The following NEGR1 variants were observed in gnomAD, a reference collection of about 807,000 sequenced individuals.
NEGR1 encodes the protein IgLON family member 4.
Under a neutral mutation model 40.9 loss-of-function variants are expected in NEGR1, and 10 were observed. The observed-to-expected ratio is 0.24, with a 90% CI of 0.15 to 0.42. The LOEUF (loss-of-function observed/expected upper bound fraction) is 0.42, where lower values mean the gene tolerates loss of function less well. Among genes scored for constraint, NEGR1 ranks in the 10% least tolerant of loss-of-function variants. The pLI is 1.00. For synonymous variants in NEGR1, 185 were observed against 166.8 expected, an observed-to-expected ratio of 1.11 and a Z score of -0.84; for missense variants, 352 against 438.9, an observed-to-expected ratio of 0.80 and a Z score of 1.77.
chr1:71,864,061 T>C (rs1324419408), intron 2 of NEGR1, among the ~76,000 whole-genome samples: 1 of 152,012 alleles, frequency 6.6e-6, no homozygotes. Context: ...GACTAGAAAA[T>C]TTGTTTAGGT....
chr1:72,207,869 C>G (rs1653466739), intron 1 of NEGR1, among the ~76,000 whole-genome samples: 1 of 151,688 alleles, frequency 6.6e-6, no homozygotes, highest in African/African-American at 2.4e-5. Context: ...GACAAATGTT[C>G]TAACAATTTA....
chr1:71,829,747 A>G (rs1211224071), intron 2 of NEGR1, among the ~76,000 whole-genome samples: 10 of 152,014 alleles, frequency 6.6e-5, no homozygotes, highest in Admixed American at 6.6e-4. Flanking sequence ...TCCCTTTAAC[A>G]AGCTCTTTCA....
At chr1:71,593,052 A>G (rs1348854881) in intron 5 of NEGR1, 84 bp from the exon 6 acceptor site, 3 of 874,250 alleles carry the variant, frequency 3.4e-6, no homozygotes, top group Non-Finnish European at 5.5e-6. Context: ...TGTCATGGCA[A>G]CCCATAGACA....
At chr1:72,156,017 T>TC (rs1651343085) in intron 1 of NEGR1, among the ~76,000 whole-genome samples, 1 of 152,122 alleles carries the variant, frequency 6.6e-6, no homozygotes, top group Non-Finnish European at 1.5e-5. Flanking sequence ...TTTTGATACT[T>TC]CAACAGTTTC....
At chr1:71,778,104 A>G (rs1656573550) in intron 2 of NEGR1, among the ~76,000 whole-genome samples, 1 of 152,044 alleles carries the variant, frequency 6.6e-6, no homozygotes, top group Admixed American at 6.6e-5. Context: ...AACTAAAAGT[A>G]TATTTTAGAT....
intron 2 of NEGR1, among the ~76,000 whole-genome samples, chr1:71,791,586 CATA>C (rs1226088598): frequency 1.3e-5 from 2 of 151,960 alleles, no homozygotes; most frequent in Admixed American, 6.6e-5. Context: ...TGTAATATTT[CATA>C]ATAATAGAAT....
At chr1:71,432,842 T>A (rs944523482) in intron 6 of NEGR1, among the ~76,000 whole-genome samples, 1 of 152,218 alleles carries the variant, frequency 6.6e-6, no homozygotes, top group Non-Finnish European at 1.5e-5. Context: ...TATAAGCTCC[T>A]GGATGGTGTT....
Position 71,557,140 on chromosome 1 carries a change from T to G in NEGR1, c.940+35677A>C, listed in dbSNP as rs1417883668. ...TAGTCTGTAGTTAAAGATTTAGTCC[T>G]TTATGGTAGAGATAGTTCATCTTGC... On this transcript the variant is annotated intron_variant, in intron 6 of 6. Coordinates refer to ENST00000357731, the MANE Select transcript of NEGR1 (RefSeq NM_173808.3). Among the ~76,000 whole-genome samples the G allele has an allele frequency of 4.6e-5, 7 of 151,782 alleles. No homozygotes were observed. In the East Asian group the frequency reaches 1.4e-3, roughly 30 times the overall value.
At chr1:71,813,895 C>T (rs1028555130) in intron 2 of NEGR1, among the ~76,000 whole-genome samples, 2 of 152,062 alleles carry the variant, frequency 1.3e-5, no homozygotes, top group Non-Finnish European at 1.5e-5. Context: ...CATTTGACTT[C>T]CTCCCTTCCT....
intron 1 of NEGR1, among the ~76,000 whole-genome samples, chr1:71,947,998 A>C (rs1406781581): frequency 6.6e-6 from 1 of 152,172 alleles, no homozygotes; most frequent in Admixed American, 6.6e-5. Context: ...AGACAACTGA[A>C]TATATGTGAG....
intron 1 of NEGR1, among the ~76,000 whole-genome samples, chr1:72,104,561 A>T (rs2100252858): frequency 6.6e-6 from 1 of 152,190 alleles, no homozygotes; most frequent in East Asian, 1.9e-4. Context: ...TGAACCTCTG[A>T]TCTCCATAAC....
At chr1:71,688,509 A>G (rs931322657) in intron 4 of NEGR1, among the ~76,000 whole-genome samples, 2 of 114,902 alleles carry the variant, frequency 1.7e-5, no homozygotes, top group African/African-American at 6.9e-5. Context: ...CCCGAGCTGG[A>G]GTGCAATGGC....
chr1:72,118,419 C>A (rs1649663406), intron 1 of NEGR1, among the ~76,000 whole-genome samples: 1 of 151,752 alleles, frequency 6.6e-6, no homozygotes, highest in South Asian at 2.1e-4. Flanking sequence ...GACTGAGAAA[C>A]TGAGTTAAAT....
At chr1:71,465,205 G>A (rs1646737430) in intron 6 of NEGR1, among the ~76,000 whole-genome samples, 1 of 152,092 alleles carries the variant, frequency 6.6e-6, no homozygotes, top group Non-Finnish European at 1.5e-5. Flanking sequence ...GAACAACAGA[G>A]ATAAAAACAG....
At chr1:71,849,253 T>C (rs972221397) in intron 2 of NEGR1, among the ~76,000 whole-genome samples, 1 of 152,120 alleles carries the variant, frequency 6.6e-6, no homozygotes, top group African/African-American at 2.4e-5. Context: ...GGTCAAAACA[T>C]CAACATTAAC....
chr1:71,813,538 CATG>C (rs1557662290), intron 2 of NEGR1, among the ~76,000 whole-genome samples: 1 of 152,112 alleles, frequency 6.6e-6, no homozygotes, highest in Non-Finnish European at 1.5e-5. Flanking sequence ...TGGCCATTTT[CATG>C]ATATTGATTC....
At chr1:71,536,093 A>G (rs1418453466) in intron 6 of NEGR1, among the ~76,000 whole-genome samples, 1 of 151,500 alleles carries the variant, frequency 6.6e-6, no homozygotes. Flanking sequence ...GGAAAATTCA[A>G]CCTTACCAAG....
chr1:71,408,568 G>A (rs1434000646), intron 6 of NEGR1: 1 of 151,990 alleles, frequency 6.6e-6, no homozygotes, highest in Non-Finnish European at 1.5e-5. Context: ...TTTATGAACA[G>A]ACAGTTGCCT....
intron 6 of NEGR1, among the ~76,000 whole-genome samples, chr1:71,568,427 A>C (rs1314508268): frequency 7.2e-5 from 11 of 152,198 alleles, no homozygotes; most frequent in Admixed American, 7.2e-4. Flanking sequence ...GAAGAAGGCC[A>C]GGCTTCCAGG....
Sources: allele counts gnomAD v4.1 joint callset (sites outside exome capture counted in the v4.1 genomes callset), GRCh38; gene constraint gnomAD v4.1.1; transcripts MANE v1.5; gene names NCBI Gene and HGNC (gene_info 2026-07-23, HGNC 2026-07-21).